Variants in CACNA1C observed in about 807,000 individuals in gnomAD.
CACNA1C encodes calcium voltage-gated channel subunit alpha1 C, also known as voltage-dependent L-type calcium channel subunit alpha-1C.
CACNA1C carries 30 observed loss-of-function variants against 229.0 expected under a neutral mutation model. The observed-to-expected ratio is 0.13, with a 90% CI of 0.10 to 0.18. CACNA1C has a LOEUF of 0.18. Among genes scored for constraint, CACNA1C ranks in the 10% least tolerant of loss-of-function variants. The pLI, the probability that CACNA1C is intolerant of heterozygous loss-of-function variation, is 1.00. For missense variants in CACNA1C, 1,658 were observed against 2,845.0 expected (o/e 0.58, Z 9.49); for synonymous variants, 1,114 against 1,132.5 (o/e 0.98, Z 0.33).
intron 11 of CACNA1C, among the ~76,000 whole-genome samples, chr12:2,561,511 C>T (rs1447439890): frequency 1.3e-5 from 2 of 152,238 alleles, no homozygotes; most frequent in Non-Finnish European, 2.9e-5. Flanking sequence ...AGACAGTAAG[C>T]GCTGAAGAGT....
intron 3 of CACNA1C, among the ~76,000 whole-genome samples, chr12:2,264,414 A>G (rs758374230): frequency 6.6e-5 from 10 of 152,248 alleles, no homozygotes; most frequent in African/African-American, 2.4e-4. Flanking sequence ...CAAGAACTGC[A>G]GAAAGCATCC....
intron 3 of CACNA1C, among the ~76,000 whole-genome samples, chr12:2,254,622 C>G (rs1431280285): frequency 1.3e-5 from 2 of 152,212 alleles, no homozygotes; most frequent in South Asian, 2.1e-4. Context: ...CTGCTCACCC[C>G]TGTCCCCTTT....
At position 2,034,284 on chromosome 12, in the gene CACNA1C, C is replaced by T. The variant is rs947254489; in HGVS notation, c.139+63083C>T. Among the ~76,000 whole-genome samples, 4 of 152,190 alleles carry T rather than the reference C, an allele frequency of 2.6e-5. No homozygotes were observed. The highest frequency in any genetic ancestry group is 2.6e-4 in the Admixed American group (4 of 15,274). On this transcript the variant is annotated intron_variant, in intron 1 of 46. Coordinates refer to the CACNA1C transcript ENST00000682462. This position sits in a 1 kb window ranked among gnomAD's most constrained non-coding sequence, Gnocchi z 4.1. ...TCCTTTTAGATCCAAGGCCGTGTTC[C>T]TTTTTGTAAGCCTCCCTGGTGTGTG...
Position 2,689,569 on chromosome 12 carries a change from A to T in CACNA1C, c.6117+790A>T, listed in dbSNP as rs2097703482. Reference sequence around the variant, plus strand: ...TTCCAAGATGAGAGGGGCTTGCCTGAAAGGTAGTGAGCCCCCCATCATCAG... The same window carrying T: ...TTCCAAGATGAGAGGGGCTTGCCTGTAAGGTAGTGAGCCCCCCATCATCAG... On this transcript the variant is annotated intron_variant, in intron 46 of 46. Transcript: ENST00000399655. The surrounding 1 kb of genome is among the most constrained non-coding windows in gnomAD (Gnocchi z 4.2). Among the ~76,000 whole-genome samples, 1 of 152,040 alleles carries T rather than the reference A, an allele frequency of 6.6e-6. No homozygotes were observed. Among genetic ancestry groups the T allele is most frequent in the Non-Finnish European group, 1.5e-5 (1 of 68,012 alleles).
intron 3 of CACNA1C, among the ~76,000 whole-genome samples, chr12:2,332,146 T>C (rs1027285777): frequency 6.6e-6 from 1 of 152,212 alleles, no homozygotes; most frequent in African/African-American, 2.4e-5. Flanking sequence ...TGGAACTTAG[T>C]CTCAGATGAT....
At chr12:2,670,084 C>G (rs551421356) in intron 38 of CACNA1C, among the ~76,000 whole-genome samples, 2 of 152,204 alleles carry the variant, frequency 1.3e-5, no homozygotes, top group African/African-American at 4.8e-5. Flanking sequence ...CTACTGAGTC[C>G]CAGGCACCCA....
At position 2,655,129 on chromosome 12, in the gene CACNA1C, C is replaced by A; in HGVS notation, c.4141-18C>A. ...TCTGTCCACAAATCACTGAACACCT[C>A]TTCCTTCTCTCTCCTAGGTGTTTGG... On this transcript the variant is annotated intron_variant, in intron 33 of 46. Coordinates refer to ENST00000399655, the MANE Select transcript of CACNA1C (RefSeq NM_000719.7). 6.8e-7 allele frequency: 1 copy of A among 1,467,412 alleles called. No individual in the cohort carries two copies. Among genetic ancestry groups the A allele is most frequent in the Non-Finnish European group, 9.6e-7 (1 of 1,047,060 alleles). 90.9% of individuals were successfully genotyped at this position (1,467,412 alleles called of 1,614,324 possible).
intron 5 of CACNA1C, among the ~76,000 whole-genome samples, chr12:2,465,935 C>A (rs1414341962): frequency 2.0e-5 from 3 of 152,108 alleles, no homozygotes; most frequent in Non-Finnish European, 4.4e-5. Flanking sequence ...CTGCTTGACA[C>A]CAAACACTCT....
At chr12:2,059,776 A>C (rs191313511) in intron 1 of CACNA1C, among the ~76,000 whole-genome samples, 2 of 152,196 alleles carry the variant, frequency 1.3e-5, no homozygotes, top group Non-Finnish European at 2.9e-5. Context: ...CTAAAGGTTC[A>C]TGGAGGCAGG....
intron 6 of CACNA1C, among the ~76,000 whole-genome samples, chr12:2,491,633 AAGG>A (rs567691310): frequency 6.4e-4 from 95 of 149,452 alleles, no homozygotes; most frequent in East Asian, 1.4e-3. Context: ...AGAGGAGAAG[AAGG>A]AGGAGGAGGA....
rs1199740161 is a variant in CACNA1C, at chr12:2,106,918, A to T, written c.50-8306A>T. Among the ~76,000 whole-genome samples, 13 of 57,090 alleles carry T rather than the reference A, an allele frequency of 2.3e-4. 2 individuals carry two copies. The highest frequency in any genetic ancestry group is 7.4e-4 in the African/African-American group (13 of 17,508). 37.5% of individuals were successfully genotyped at this position (57,090 alleles called of 152,430 possible). On this transcript the variant is annotated intron_variant, in intron 1 of 46. Transcript: ENST00000399655. ...AAGCCACTGGGCGCCCACCCCGGGG[A>T]GGGTTTCCACCTCAGCTGGGGCGTC...
chr12:2,482,291 G>A (rs1451452816), intron 5 of CACNA1C, among the ~76,000 whole-genome samples: 5 of 152,364 alleles, frequency 3.3e-5, no homozygotes, highest in Admixed American at 2.6e-4. Context: ...CTGCAAGCAC[G>A]TGTCACTGCT....
At chr12:2,004,078 AC>A in intron 1 of CACNA1C, 1 of 695,312 alleles carries the variant, frequency 1.4e-6, no homozygotes, top group Non-Finnish European at 2.4e-6. Flanking sequence ...CTTTTCCCCA[AC>A]TCCAGGTAGC....
At chr12:2,175,569 G>T (rs533637300) in intron 3 of CACNA1C, among the ~76,000 whole-genome samples, 1 of 152,052 alleles carries the variant, frequency 6.6e-6, no homozygotes, top group East Asian at 1.9e-4. Context: ...GTGGGCTCCG[G>T]GATTGGCAGC....
chr12:2,274,085 C>T (rs2154425178), intron 3 of CACNA1C, among the ~76,000 whole-genome samples: 1 of 152,284 alleles, frequency 6.6e-6, no homozygotes, highest in South Asian at 2.1e-4. Context: ...GCATAAGGTC[C>T]CACTTGGGTG....
intron 3 of CACNA1C, among the ~76,000 whole-genome samples, chr12:2,228,982 C>T (rs1020580454): frequency 8.5e-5 from 13 of 152,088 alleles, no homozygotes; most frequent in African/African-American, 2.4e-4. Flanking sequence ...GAGGAGGAGA[C>T]GCTCCTGTAG....
intron 9 of CACNA1C, among the ~76,000 whole-genome samples, chr12:2,524,572 C>A (rs1180790128): frequency 2.1e-4 from 32 of 152,234 alleles, no homozygotes; most frequent in Admixed American, 2.1e-3. Context: ...CTTTTCACCC[C>A]ACGGTGGAGT....
chr12:2,190,169 C>T (rs966756772), intron 3 of CACNA1C, among the ~76,000 whole-genome samples: 1 of 152,208 alleles, frequency 6.6e-6, no homozygotes, highest in Non-Finnish European at 1.5e-5. Flanking sequence ...GACACTGTCT[C>T]TCTCCTTATT....
At chr12:2,037,249 C>T (rs2049312789) in intron 1 of CACNA1C, among the ~76,000 whole-genome samples, 2 of 152,204 alleles carry the variant, frequency 1.3e-5, no homozygotes, top group Non-Finnish European at 2.9e-5. Flanking sequence ...TCTCTTACCT[C>T]CTCAAGTTGT....
Sources: gnomAD v4.1 joint callset for allele counts (sites outside exome capture counted in the v4.1 genomes callset) on GRCh38, gnomAD v4.1.1 for gene constraint, Gnocchi (gnomAD v3.1) non-coding constraint, MANE v1.5 for transcripts, NCBI Gene and HGNC (gene_info 2026-07-23, HGNC 2026-07-21) for gene names.